The following GULP1 variants were observed in gnomAD, a reference collection of about 807,000 sequenced individuals.
The protein encoded by GULP1 is GULP PTB domain containing engulfment adaptor 1, also known as PTB domain-containing engulfment adapter protein 1.
In GULP1, 19 loss-of-function variants were observed where a neutral mutation model predicts 40.9. The ratio of observed to expected loss-of-function variants is 0.46; its 90% CI spans 0.32 to 0.68. The LOEUF (loss-of-function observed/expected upper bound fraction) is 0.68. Ranked by LOEUF, GULP1 falls within the 30% of genes least tolerant of loss-of-function variation. The pLI is 0.03. For synonymous variants in GULP1, 119 were observed against 117.6 expected, an observed-to-expected ratio of 1.01 and a Z score of -0.08; for missense variants, 312 against 362.2, an observed-to-expected ratio of 0.86 and a Z score of 1.12.
intron 2 of GULP1, among the ~76,000 whole-genome samples, chr2:188,446,987 A>G (rs2058444560): frequency 6.6e-6 from 1 of 152,204 alleles, no homozygotes. Flanking sequence ...CATCTGTTCA[A>G]GGTGGTCAGG....
chr2:188,428,018 G>C (rs2056424508), intron 2 of GULP1, among the ~76,000 whole-genome samples: 2 of 152,226 alleles, frequency 1.3e-5, no homozygotes, highest in Admixed American at 1.3e-4. Context: ...CCTACCCATT[G>C]CATCAGTATG....
intron 1 of GULP1, among the ~76,000 whole-genome samples, chr2:188,334,487 C>T (rs536921008): frequency 1.3e-5 from 2 of 152,248 alleles, no homozygotes; most frequent in South Asian, 4.2e-4. Context: ...ATTAAAATCT[C>T]TGGGGGTGTG....
At chr2:188,405,940 C>G (rs1575050127) in intron 2 of GULP1, among the ~76,000 whole-genome samples, 1 of 152,138 alleles carries the variant, frequency 6.6e-6, no homozygotes, top group African/African-American at 2.4e-5. Flanking sequence ...AAATGAAGTT[C>G]CATTAACTGA....
At chr2:188,400,175 G>T (rs1434779375) in intron 2 of GULP1, among the ~76,000 whole-genome samples, 2 of 151,946 alleles carry the variant, frequency 1.3e-5, no homozygotes, top group Non-Finnish European at 2.9e-5. Context: ...TCCTTGTATT[G>T]CTTGATTTTA....
intron 2 of GULP1, among the ~76,000 whole-genome samples, chr2:188,411,145 A>G (rs1287726874): frequency 2.0e-5 from 3 of 151,946 alleles, no homozygotes; most frequent in Non-Finnish European, 4.4e-5. Context: ...GTGACTCTTT[A>G]CAGCACCCTT....
At chr2:188,366,839 C>T (rs184754531) in intron 1 of GULP1, among the ~76,000 whole-genome samples, 36 of 152,218 alleles carry the variant, frequency 2.4e-4, no homozygotes, top group African/African-American at 7.9e-4. Context: ...ATGATCCTCC[C>T]GACTCGGCCT....
intron 2 of GULP1, among the ~76,000 whole-genome samples, chr2:188,399,156 G>T (rs1406845040): frequency 6.6e-6 from 1 of 152,140 alleles, no homozygotes; most frequent in African/African-American, 2.4e-5. Context: ...AACAAAAAAT[G>T]CATTTTGCTG....
chr2:188,531,348 T>C (rs560598580), intron 6 of GULP1, among the ~76,000 whole-genome samples: 1 of 152,328 alleles, frequency 6.6e-6, no homozygotes, highest in East Asian at 1.9e-4. Context: ...TTTGCAAAAG[T>C]AATTTCTAAG....
At chr2:188,519,886 C>G (rs1229734040) in intron 4 of GULP1, among the ~76,000 whole-genome samples, 2 of 152,060 alleles carry the variant, frequency 1.3e-5, no homozygotes, top group Non-Finnish European at 2.9e-5. Flanking sequence ...TCAGGCAGAT[C>G]TCTTGCCTCA....
chr2:188,449,770 G>A (rs561641983), intron 2 of GULP1, among the ~76,000 whole-genome samples: 68 of 152,322 alleles, frequency 4.5e-4, no homozygotes, highest in African/African-American at 1.6e-3. Flanking sequence ...AAGATTGTAT[G>A]AGATTATGGC....
chr2:188,315,612 A>G lies in GULP1; in HGVS notation c.-172+23446A>G, dbSNP rs192561856. Among the ~76,000 whole-genome samples the G allele has an allele frequency of 2.6e-5, 4 of 152,244 alleles. No homozygotes were observed. In the East Asian group the frequency reaches 7.7e-4, roughly 29 times the overall value. ...ATAAAGGTTTCTTGGATTAATGAAT[A>G]CAGTAGGCCCCCTTCATCCTCAGGA... On this transcript the variant is annotated intron_variant, in intron 1 of 11. Coordinates refer to ENST00000409830, the MANE Select transcript of GULP1 (RefSeq NM_016315.4).
chr2:188,347,260 TA>T (rs548005578), intron 1 of GULP1, among the ~76,000 whole-genome samples: 31 of 152,256 alleles, frequency 2.0e-4, no homozygotes, highest in African/African-American at 7.2e-4. Context: ...AGAAGTTAAG[TA>T]ACTTATTCAA....
intron 11 of GULP1, chr2:188,591,064 C>T (rs1396352777): frequency 2.0e-5 from 3 of 151,978 alleles, no homozygotes; most frequent in African/African-American, 7.2e-5. Flanking sequence ...TATATAAATA[C>T]ATTACATATA....
intron 1 of GULP1, among the ~76,000 whole-genome samples, chr2:188,367,951 A>G (rs1425562371): frequency 6.6e-6 from 1 of 152,042 alleles, no homozygotes; most frequent in Non-Finnish European, 1.5e-5. Flanking sequence ...GCACACTTAT[A>G]TCTATTAGTC....
intron 7 of GULP1, among the ~76,000 whole-genome samples, chr2:188,567,872 C>A (rs961889450): frequency 6.6e-6 from 1 of 152,136 alleles, no homozygotes; most frequent in Non-Finnish European, 1.5e-5. Context: ...CATAATCCCA[C>A]AATCTATCAA....
At chr2:188,419,588 C>A (rs950605632) in intron 2 of GULP1, among the ~76,000 whole-genome samples, 2 of 150,622 alleles carry the variant, frequency 1.3e-5, no homozygotes, top group Admixed American at 6.6e-5. Flanking sequence ...TATAGGAGTT[C>A]TTTTATATTT....
At chr2:188,346,470 A>C (rs895097560) in intron 1 of GULP1, among the ~76,000 whole-genome samples, 1 of 152,044 alleles carries the variant, frequency 6.6e-6, no homozygotes, top group African/African-American at 2.4e-5. Context: ...TTTTACAACA[A>C]TAATCTCTTT....
intron 4 of GULP1, among the ~76,000 whole-genome samples, chr2:188,502,108 G>A (rs750515659): frequency 9.2e-5 from 14 of 151,792 alleles, no homozygotes; most frequent in Non-Finnish European, 1.9e-4. Context: ...AATTATAGTA[G>A]ATAGGTATAT....
intron 2 of GULP1, among the ~76,000 whole-genome samples, chr2:188,387,902 T>G (rs868786933): frequency 1.2e-4 from 19 of 152,236 alleles, no homozygotes; most frequent in Middle Eastern, 6.8e-3. Context: ...TATTATACTT[T>G]AAGTTTTAGG....
Sources: gnomAD v4.1 joint callset for allele counts (sites outside exome capture counted in the v4.1 genomes callset) on GRCh38, gnomAD v4.1.1 for gene constraint, MANE v1.5 for transcripts, NCBI Gene and HGNC (gene_info 2026-07-23, HGNC 2026-07-21) for gene names.